The following PDS5B variants were observed in gnomAD, a reference collection of about 807,000 sequenced individuals.
PDS5B encodes sister chromatid cohesion protein PDS5 homolog B.
In PDS5B, 51 loss-of-function variants were observed where a neutral mutation model predicts 184.1. The observed-to-expected ratio is 0.28, with a 90% confidence interval of 0.22 to 0.35. PDS5B has a LOEUF of 0.35. Among genes scored for constraint, PDS5B ranks in the 10% least tolerant of loss-of-function variants. PDS5B has a pLI of 1.00. For synonymous variants in PDS5B, 566 were observed against 569.2 expected (o/e 0.99, Z 0.08); for missense variants, 1,180 against 1,723.3 (o/e 0.68, Z 5.58).
chr13:32,615,713 C>G (rs903861429), intron 1 of PDS5B, among the ~76,000 whole-genome samples: 1 of 152,150 alleles, frequency 6.6e-6, no homozygotes, highest in East Asian at 1.9e-4. Flanking sequence ...GTATTTTCAC[C>G]ATGTGAGCTC....
intron 13 of PDS5B, 71 bp from the exon 14 acceptor site, chr13:32,694,152 T>C (rs1337214514): frequency 1.4e-5 from 14 of 1,013,662 alleles, no homozygotes; most frequent in Non-Finnish European, 2.0e-5. Flanking sequence ...CCTTAAATTA[T>C]ATAGTAGTAA....
intron 6 of PDS5B, among the ~76,000 whole-genome samples, chr13:32,665,588 C>CAAAAAAAAAAAAAAAAAAAAAAAAAA (rs34604938): frequency 7.7e-5 from 2 of 25,874 alleles, no homozygotes; most frequent in Non-Finnish European, 1.3e-4. Context: ...GACTCCGACT[C>CAAAAAAAAAAAAAAAAAAAAAAAAAA]AAAAAAAAAA....
intron 24 of PDS5B, among the ~76,000 whole-genome samples, chr13:32,746,925 C>A (rs1387437933): frequency 6.6e-6 from 1 of 152,128 alleles, no homozygotes; most frequent in Non-Finnish European, 1.5e-5. Context: ...AATATAGAAT[C>A]CACAAATAAG....
At chr13:32,654,759 T>C (rs575605804) in intron 3 of PDS5B, among the ~76,000 whole-genome samples, 1 of 152,308 alleles carries the variant, frequency 6.6e-6, no homozygotes, top group African/African-American at 2.4e-5. Context: ...GTTTAGCTCC[T>C]GGTGATAAGT....
chr13:32,770,074 T>G, intron 31 of PDS5B, 47 bp from the exon 32 acceptor site: 1 of 1,515,456 alleles, frequency 6.6e-7, no homozygotes, highest in East Asian at 2.3e-5. Flanking sequence ...AAAATATGTA[T>G]ACTCACAATT....
At chr13:32,726,551 G>A (rs936898739) in intron 19 of PDS5B, among the ~76,000 whole-genome samples, 22 of 152,184 alleles carry the variant, frequency 1.4e-4, no homozygotes, top group Admixed American at 1.0e-3. Context: ...CTAGCAGTAT[G>A]TAAGAGTGTC....
At chr13:32,759,553 G>C in intron 28 of PDS5B, 75 bp from the exon 29 acceptor site, 1 of 628,284 alleles carries the variant, frequency 1.6e-6, no homozygotes, top group Non-Finnish European at 2.7e-6. Flanking sequence ...ACTGCTGTTT[G>C]CTTTGTTGGC....
At chr13:32,761,409 A>T (rs768007081) in intron 30 of PDS5B, among the ~76,000 whole-genome samples, 5 of 152,066 alleles carry the variant, frequency 3.3e-5, no homozygotes, top group Non-Finnish European at 5.9e-5. Flanking sequence ...TTACATGGGT[A>T]TATTGCATCC....
chr13:32,742,491 A>G, intron 22 of PDS5B, 100 bp from the exon 23 acceptor site: 1 of 941,088 alleles, frequency 1.1e-6, no homozygotes, highest in South Asian at 1.8e-5. Context: ...TCTTTTCTTA[A>G]AAAGCATCCA....
Position 32,753,364 on chromosome 13 carries a change from C to T in PDS5B, c.2769C>T (p.Ala923=), listed in dbSNP as rs1954056508. The T allele has an allele frequency of 1.2e-6, 2 of 1,613,536 alleles. No individual in the cohort carries two copies. Among genetic ancestry groups the T allele is most frequent in the African/African-American group, 1.3e-5 (1 of 74,886 alleles). Residue 923 remains alanine (A), a synonymous_variant, in exon 25 of 35, where the codon GCC becomes GCT. Transcript: ENST00000315596. ...GCTATCAAGTAAGACAAGTGTTTGC[C>T]CAGAAACTTCACAAAGGCCTTTCCC... is the stretch of plus-strand genomic sequence containing the variant. ...DECYQVRQVF[A]QKLHKGLSRL... is the part of the protein sequence containing the mutation.
intron 19 of PDS5B, among the ~76,000 whole-genome samples, chr13:32,717,894 T>A (rs1338177279): frequency 1.1e-5 from 1 of 90,864 alleles, no homozygotes; most frequent in African/African-American, 4.1e-5. Flanking sequence ...AAAGATATCC[T>A]CCCCACCCAC....
chr13:32,635,229 G>GA (rs1444024008), intron 1 of PDS5B, among the ~76,000 whole-genome samples: 27 of 107,492 alleles, frequency 2.5e-4, no homozygotes. Context: ...GAGATGGGGG[G>GA]GTCTCACTGT....
chr13:32,743,361 A>G (rs1953629911), intron 23 of PDS5B, among the ~76,000 whole-genome samples: 1 of 152,118 alleles, frequency 6.6e-6, no homozygotes, highest in Admixed American at 6.5e-5. Context: ...TGGCTCATCT[A>G]GCTGTTATGA....
At position 32,654,236 on chromosome 13, in the gene PDS5B, A is replaced by G. The variant is rs143287028; in HGVS notation, c.312+2229A>G. On this transcript the variant is annotated intron_variant, in intron 3 of 34. Transcript: ENST00000315596. ...ATTAGCGGCAAATTCGTATATCTGT[A>G]TGTCTATATATTTTGTCTACAGTAG... Among the ~76,000 whole-genome samples the G allele has an allele frequency of 2.6e-3, 398 of 152,246 alleles. 1 individual carries two copies. The highest frequency in any genetic ancestry group is 4.4e-3 in the Non-Finnish European group (297 of 68,008).
At chr13:32,733,985 A>AACACACACACACACACAC (rs148714647) in intron 20 of PDS5B, among the ~76,000 whole-genome samples, 3,690 of 141,984 alleles carry the variant, frequency 0.026, 167 homozygotes, top group African/African-American at 0.089. Flanking sequence ...CAAAAATTAA[A>AACACACACACACACACAC]ACACACACAC....
At chr13:32,743,658 C>A (rs1026126819) in intron 23 of PDS5B, among the ~76,000 whole-genome samples, 8 of 152,002 alleles carry the variant, frequency 5.3e-5, no homozygotes, top group African/African-American at 1.7e-4. Context: ...ATACTGTATT[C>A]TCCTTGTATG....
At chr13:32,659,380 T>C in intron 6 of PDS5B, 100 bp downstream of exon 6, 1 of 830,610 alleles carries the variant, frequency 1.2e-6, no homozygotes, top group Non-Finnish European at 1.7e-6. Context: ...GCTTTAATCT[T>C]TTAGAGAATC....
At chr13:32,611,988 C>T (rs2058150762) in intron 1 of PDS5B, among the ~76,000 whole-genome samples, 1 of 151,576 alleles carries the variant, frequency 6.6e-6, no homozygotes, top group Non-Finnish European at 1.5e-5. Flanking sequence ...ATATTCAGTA[C>T]TTTTAATTTC....
chr13:32,684,569 C>T (rs961688229), intron 11 of PDS5B, among the ~76,000 whole-genome samples: 8 of 152,200 alleles, frequency 5.3e-5, no homozygotes, highest in African/African-American at 1.9e-4. Context: ...AATCAGTGAA[C>T]TTGAGAGGAC....
Sources: gnomAD v4.1 joint callset for allele counts (sites outside exome capture counted in the v4.1 genomes callset) on GRCh38, gnomAD v4.1.1 for gene constraint, MANE v1.5 for transcripts, NCBI Gene and HGNC (gene_info 2026-07-23, HGNC 2026-07-21) for gene names.